Variants in KIF1A observed in about 807,000 individuals in gnomAD.
KIF1A encodes the protein kinesin family member 1A.
A neutral mutation model predicts 227.3 loss-of-function variants in KIF1A; 46 were observed. That is an observed-to-expected ratio of 0.20 (90% CI 0.16 to 0.26). The LOEUF is 0.26. Among genes scored for constraint, KIF1A ranks in the 10% least tolerant of loss-of-function variants. KIF1A has a pLI of 1.00. For synonymous variants in KIF1A, 1,022 were observed against 1,012.8 expected (o/e 1.01, Z -0.17); for missense variants, 1,683 against 2,485.9 (o/e 0.68, Z 6.87).
intron 2 of KIF1A, among the ~76,000 whole-genome samples, chr2:240,795,255 G>A (rs549940403): frequency 6.6e-6 from 1 of 152,276 alleles, no homozygotes; most frequent in South Asian, 2.1e-4. Context: ...CTGGCACATA[G>A]GCGAAATCCC....
At chr2:240,745,014 G>A (rs2048418073) in intron 32 of KIF1A, among the ~76,000 whole-genome samples, 1 of 152,122 alleles carries the variant, frequency 6.6e-6, no homozygotes, top group Non-Finnish European at 1.5e-5. Flanking sequence ...TCACTCTCCT[G>A]CCTGGAGTTT....
chr2:240,772,466 G>A, intron 14 of KIF1A, 104 bp downstream of exon 14: 6 of 941,156 alleles, frequency 6.4e-6, no homozygotes, highest in Non-Finnish European at 1.0e-5. Context: ...AGAAAGCAGA[G>A]CAGGTACCCT....
In KIF1A at chr2:240,715,139, C is replaced by G. The variant is rs2044493630; in HGVS notation, c.*2225G>C. 6.6e-6 allele frequency: 1 copy of G among 152,480 alleles called. No individual in the cohort carries two copies. The highest frequency in any genetic ancestry group is 2.4e-5 in the African/African-American group (1 of 41,470). 9.4% of individuals were successfully genotyped at this position (152,480 alleles called of 1,614,324 possible). ...TCCCCCTCATCTCAGACCAGCGTGT[C>G]CTGCCCTGCCTCTCCTTCCTGCCTC... is the stretch of plus-strand genomic sequence containing the variant. On this transcript the variant is annotated 3_prime_UTR_variant, in exon 49 of 49. Coordinates refer to ENST00000498729, the MANE Select transcript of KIF1A (RefSeq NM_001244008.2).
chr2:240,811,825 C>T (rs552529451), intron 1 of KIF1A, among the ~76,000 whole-genome samples: 2 of 152,072 alleles, frequency 1.3e-5, no homozygotes, highest in African/African-American at 4.8e-5. Context: ...GTGGGGTCTG[C>T]GCTGGGGACA....
rs55815321 is a variant in KIF1A at position 240,766,749 on chromosome 2, TCACACACACACA to T, written c.1684+154_1684+165del. 4.6e-5 allele frequency among the ~76,000 whole-genome samples: 5 copies of T among 108,974 alleles called. No homozygotes were observed. The highest frequency in any genetic ancestry group is 3.2e-4 in the South Asian group (1 of 3,124). 71.5% of individuals were successfully genotyped at this position (108,974 alleles called of 152,430 possible). On this transcript the variant is annotated intron_variant, in intron 19 of 48. Coordinates refer to ENST00000498729, the MANE Select transcript of KIF1A (RefSeq NM_001244008.2). The surrounding 1 kb of genome is among the most constrained non-coding windows in gnomAD (Gnocchi z 5.0). ...CTCTCTCTCTCTCTCTCTCTCTCTC[TCACACACACACA>T]CACACACACACACACACACACACAC...
intron 1 of KIF1A, among the ~76,000 whole-genome samples, chr2:240,817,563 G>A (rs973697097): frequency 1.3e-5 from 2 of 152,224 alleles, no homozygotes; most frequent in African/African-American, 4.8e-5. Context: ...TCTCAGGCCT[G>A]ACGGGATTGG....
At chr2:240,774,578 G>T (rs959846128) in intron 11 of KIF1A, among the ~76,000 whole-genome samples, 1 of 151,384 alleles carries the variant, frequency 6.6e-6, no homozygotes, top group South Asian at 2.1e-4. Context: ...AGTTGTGGAG[G>T]GTTTTAAAGT....
At chr2:240,731,753 C>T (rs113959922) in intron 38 of KIF1A, among the ~76,000 whole-genome samples, 4,600 of 152,300 alleles carry the variant, frequency 0.03, 86 homozygotes, top group Non-Finnish European at 0.043. Context: ...CAGTCCCCCT[C>T]GCCCTGGCTG....
In KIF1A at chr2:240,726,982, G is replaced by A. The variant is rs2046085494; in HGVS notation, c.4008-42C>T. ...ACAAAGTAGAAGTTGATGGCGTGGG[G>A]GCTGCTTTCAGCCAGGCCGGGGACA... On this transcript the variant is annotated intron_variant, in intron 38 of 48. Transcript: ENST00000498729. The surrounding 1 kb of genome is among the most constrained non-coding windows in gnomAD (Gnocchi z 5.2). 1 of 1,267,838 alleles carries A rather than the reference G, an allele frequency of 7.9e-7. No homozygotes were observed. The highest frequency in any genetic ancestry group is 1.3e-5 in the South Asian group (1 of 77,296). The allele number at this position is 1,267,838 out of a possible 1,614,324, so 78.5% of individuals were successfully genotyped here. A position where few individuals can be genotyped will look rare whatever the true frequency, so the allele number is the denominator to read the frequency against.
intron 1 of KIF1A, among the ~76,000 whole-genome samples, chr2:240,798,476 T>C (rs1226340922): frequency 2.0e-5 from 3 of 152,208 alleles, no homozygotes; most frequent in Admixed American, 6.5e-5. Context: ...AGACAAGTCA[T>C]GGGGAATTCG....
intron 6 of KIF1A, among the ~76,000 whole-genome samples, chr2:240,786,022 C>T (rs1251279209): frequency 6.6e-6 from 1 of 152,182 alleles, no homozygotes; most frequent in Admixed American, 6.5e-5. Context: ...ACCCCTGGGA[C>T]TAGCAGAGCA....
At chr2:240,748,893 G>C (rs2048899767) in intron 28 of KIF1A, among the ~76,000 whole-genome samples, 1 of 152,126 alleles carries the variant, frequency 6.6e-6, no homozygotes, top group Non-Finnish European at 1.5e-5. Context: ...GGCCGAGATG[G>C]GCAGATTACT....
At chr2:240,816,309 T>C (rs1397710980) in intron 1 of KIF1A, among the ~76,000 whole-genome samples, 2 of 151,980 alleles carry the variant, frequency 1.3e-5, no homozygotes, top group African/African-American at 4.8e-5. Flanking sequence ...TGTGAATGTA[T>C]GCATGGGTGG....
chr2:240,781,706 G>A (rs1168806642), intron 10 of KIF1A: 1 of 953,626 alleles, frequency 1.0e-6, no homozygotes, highest in Non-Finnish European at 1.2e-6. Flanking sequence ...GCAGTGTCCT[G>A]TGCCGTTTCC....
At chr2:240,765,649 A>T in intron 20 of KIF1A, 61 bp downstream of exon 20, 1 of 1,344,696 alleles carries the variant, frequency 7.4e-7, no homozygotes, top group South Asian at 1.2e-5. Flanking sequence ...TGGACATGGG[A>T]ACAGAGGCCT....
chr2:240,729,884 C>G (rs922206361), intron 38 of KIF1A, among the ~76,000 whole-genome samples: 1 of 152,220 alleles, frequency 6.6e-6, no homozygotes, highest in African/African-American at 2.4e-5. Context: ...AGATGGCTAG[C>G]CGGACCAGGG....
chr2:240,806,365 C>T (rs1392970029), intron 1 of KIF1A, among the ~76,000 whole-genome samples: 2 of 152,106 alleles, frequency 1.3e-5, no homozygotes, highest in Non-Finnish European at 2.9e-5. Flanking sequence ...AAGACTGGGC[C>T]GTTGTAATCT....
intron 10 of KIF1A, among the ~76,000 whole-genome samples, chr2:240,779,484 T>TCACTCAGTTCCA (rs879423283): frequency 7.3e-6 from 1 of 136,398 alleles, no homozygotes; most frequent in Non-Finnish European, 1.5e-5. Context: ...ACTCAGTTCC[T>TCACTCAGTTCCA]CACTCAGTTC....
chr2:240,775,619 C>G lies in KIF1A; in HGVS notation c.958+232G>C, dbSNP rs1238720301. Among the ~76,000 whole-genome samples the G allele has an allele frequency of 6.6e-6, 1 of 152,220 alleles. No individual in the cohort carries two copies. The highest frequency in any genetic ancestry group is 2.4e-5 in the African/African-American group (1 of 41,454). ...ACACAGGCAGGTGTGTGCTGTGCCA[C>G]CCCCTGGGCTGTCCTGGTTCCCACA... is the stretch of plus-strand genomic sequence containing the variant. On this transcript the variant is annotated intron_variant, in intron 11 of 48. Transcript: ENST00000498729. This position sits in a 1 kb window ranked among gnomAD's most constrained non-coding sequence, Gnocchi z 5.5.
Sources: gnomAD v4.1 joint callset for allele counts (sites outside exome capture counted in the v4.1 genomes callset) on GRCh38, gnomAD v4.1.1 for gene constraint, Gnocchi (gnomAD v3.1) non-coding constraint, MANE v1.5 for transcripts, NCBI Gene and HGNC (gene_info 2026-07-23, HGNC 2026-07-21) for gene names.